Variants in GPHN observed in about 807,000 individuals in gnomAD.
GPHN encodes the protein gephyrin.
A neutral mutation model predicts 95.5 loss-of-function variants in GPHN; 17 were observed. The observed-to-expected ratio is 0.18, with a 90% CI of 0.12 to 0.27. The LOEUF (loss-of-function observed/expected upper bound fraction) is 0.27, where lower values mean the gene tolerates loss of function less well. Among genes scored for constraint, GPHN ranks in the 10% least tolerant of loss-of-function variants. The pLI is 1.00. For synonymous variants in GPHN, 320 were observed against 322.5 expected (o/e 0.99, Z 0.08); for missense variants, 660 against 978.1 (o/e 0.67, Z 4.34).
At chr14:67,676,281 A>T in the GPHN span, among the ~76,000 whole-genome samples, 2 of 152,166 alleles carry the variant, frequency 1.3e-5, no homozygotes, top group African/African-American at 4.8e-5. Context: ...GATCAAGTTC[A>T]TTGGCTGTTG....
intron 8 of GPHN, among the ~76,000 whole-genome samples, chr14:66,947,837 CCTAG>C (rs1174388293): frequency 6.6e-6 from 1 of 152,062 alleles, no homozygotes; most frequent in African/African-American, 2.4e-5. Context: ...CACCTGTTGT[CCTAG>C]CTATTTGGGA....
chr14:66,666,219 G>T lies in GPHN; in HGVS notation c.65-14888G>T, dbSNP rs1196286132. ...TACATATGTAACAAACCTGCACGTT[G>T]TGCACATGTACCCTAGAACTTAAAG... is the stretch of plus-strand genomic sequence containing the variant. On this transcript the variant is annotated intron_variant, in intron 1 of 22. Coordinates refer to ENST00000478722, the MANE Select transcript of GPHN (RefSeq NM_020806.5). 2.6e-5 allele frequency among the ~76,000 whole-genome samples: 4 copies of T among 151,558 alleles called. 1 individual carries two copies. Among genetic ancestry groups the T allele is most frequent in the Admixed American group, 2.6e-4 (4 of 15,232 alleles).
chr14:66,774,872 T>A (rs1328153473), intron 2 of GPHN, among the ~76,000 whole-genome samples: 1 of 152,218 alleles, frequency 6.6e-6, no homozygotes, highest in Non-Finnish European at 1.5e-5. Context: ...TATACTTTAT[T>A]TAAAATACTG....
At position 66,860,231 on chromosome 14, in the gene GPHN, A is replaced by G. The variant is rs1596178741; in HGVS notation, c.295-19708A>G. The stretch of plus-strand genomic sequence containing the variant: ...AAGAATCCTAAAAGCACCAAGAGAA[A>G]AGAAACAAATGACATACAACGGAGC... On this transcript the variant is annotated intron_variant, in intron 4 of 22. Transcript: ENST00000478722. 5.3e-5 allele frequency among the ~76,000 whole-genome samples: 8 copies of G among 152,300 alleles called. 1 individual carries two copies. The highest frequency in any genetic ancestry group is 5.2e-4 in the Admixed American group (8 of 15,302).
At chr14:66,618,921 T>C (rs575882372) in intron 1 of GPHN, among the ~76,000 whole-genome samples, 1 of 152,352 alleles carries the variant, frequency 6.6e-6, no homozygotes, top group South Asian at 2.1e-4. Flanking sequence ...CTTTCCCTTT[T>C]GTTCTCCCTT....
chr14:67,327,293 G>A, the GPHN span, among the ~76,000 whole-genome samples: 4 of 152,012 alleles, frequency 2.6e-5, no homozygotes, highest in East Asian at 1.9e-4. Context: ...TAGAATTGCC[G>A]GATCAAGTGA....
At chr14:66,804,809 A>G (rs2060485709) in intron 3 of GPHN, among the ~76,000 whole-genome samples, 1 of 152,170 alleles carries the variant, frequency 6.6e-6, no homozygotes, top group Non-Finnish European at 1.5e-5. Context: ...GATGTTTTCC[A>G]CTTGTTACAG....
intron 3 of GPHN, among the ~76,000 whole-genome samples, chr14:66,795,948 C>T (rs1395202990): frequency 3.3e-5 from 5 of 151,964 alleles, no homozygotes; most frequent in Non-Finnish European, 7.4e-5. Context: ...GTTTTTTGTA[C>T]CTACTAACCA....
intron 2 of GPHN, among the ~76,000 whole-genome samples, chr14:66,765,381 A>G (rs914404666): frequency 7.9e-5 from 12 of 152,248 alleles, no homozygotes; most frequent in African/African-American, 4.8e-5. Flanking sequence ...TCATTGCAGT[A>G]CTATTGACAA....
At chr14:67,241,055 G>C in the GPHN span, 5 of 152,256 alleles carry the variant, frequency 3.3e-5, no homozygotes, top group Non-Finnish European at 5.9e-5. Flanking sequence ...CACAAAGCCC[G>C]CCGGCCAAAT....
chr14:66,739,342 G>A lies in GPHN; in HGVS notation c.144-37122G>A, dbSNP rs919950272. 3.4e-5 allele frequency among the ~76,000 whole-genome samples: 5 copies of A among 149,122 alleles called. 1 individual carries two copies. The South Asian group carries it at 6.4e-4, about 19-fold the overall frequency. Reference sequence around the variant, plus strand: ...TGCCATTCTCCTGCCTCAGCCTCCCGAGTAGCTAGGACAACAGGCACCCGC... The same window carrying A: ...TGCCATTCTCCTGCCTCAGCCTCCCAAGTAGCTAGGACAACAGGCACCCGC... On this transcript the variant is annotated intron_variant, in intron 2 of 22. Transcript: ENST00000478722.
intron 9 of GPHN, among the ~76,000 whole-genome samples, chr14:66,974,640 T>C (rs1243525618): frequency 6.6e-6 from 1 of 152,070 alleles, no homozygotes; most frequent in African/African-American, 2.4e-5. Context: ...TTCTTTTTTG[T>C]TTAAAAAAAA....
chr14:67,412,080 G>T, the GPHN span: 2,133 of 1,526,226 alleles, frequency 1.4e-3, 41 homozygotes, highest in South Asian at 0.025. Flanking sequence ...GCACGCCAGG[G>T]CCACCCCAGG....
At chr14:67,326,221 ATTTTTTTTTTTTTTTTTTTTTTTTT>A in the GPHN span, among the ~76,000 whole-genome samples, 2 of 12,894 alleles carry the variant, frequency 1.6e-4, no homozygotes, top group African/African-American at 5.9e-4. Flanking sequence ...TTTAGGTCTG[ATTTTTTTTTTTTTTTTTTTTTTTTT>A]TTTTTTTTTT....
chr14:66,962,741 C>T (rs538488144), intron 8 of GPHN, among the ~76,000 whole-genome samples: 15 of 151,782 alleles, frequency 9.9e-5, no homozygotes, highest in Admixed American at 6.6e-4. Context: ...TATTCTCTCC[C>T]ATATTTGCTT....
At chr14:66,803,355 T>C (rs1203246291) in intron 3 of GPHN, among the ~76,000 whole-genome samples, 1 of 152,206 alleles carries the variant, frequency 6.6e-6, no homozygotes, top group African/African-American at 2.4e-5. Context: ...AATGCCTCTT[T>C]TAGCAATATG....
At chr14:67,585,386 T>G in the GPHN span, 1 of 578,064 alleles carries the variant, frequency 1.7e-6, no homozygotes, top group Non-Finnish European at 3.1e-6. Context: ...GGGTCTCCTG[T>G]CACAAGCAGC....
the GPHN span, among the ~76,000 whole-genome samples, chr14:67,252,336 G>T: frequency 6.7e-6 from 1 of 150,122 alleles, no homozygotes; most frequent in Non-Finnish European, 1.5e-5. Flanking sequence ...TTTATTTTTT[G>T]TAGAGATGAG....
the GPHN span, chr14:67,199,843 G>A: frequency 2.0e-6 from 3 of 1,497,798 alleles, no homozygotes; most frequent in East Asian, 2.3e-5. Flanking sequence ...CCCCAGCCAT[G>A]CCCCACCACC....
Sources: gnomAD v4.1 joint callset for allele counts (sites outside exome capture counted in the v4.1 genomes callset) on GRCh38, gnomAD v4.1.1 for gene constraint, MANE v1.5 for transcripts, NCBI Gene and HGNC (gene_info 2026-07-23, HGNC 2026-07-21) for gene names.